Variants in F8 observed in about 807,000 individuals in gnomAD.
F8 encodes the protein antihemophilic factor.
A neutral mutation model predicts 140.6 loss-of-function variants in F8; 12 were observed. That is an observed-to-expected ratio of 0.09 (90% CI 0.05 to 0.14). The LOEUF is 0.14. Ranked by LOEUF, F8 falls within the 10% of genes least tolerant of loss-of-function variation. The pLI is 1.00. For synonymous variants in F8, 585 were observed against 614.6 expected (o/e 0.95, Z 0.71); for missense variants, 1,354 against 1,720.7 (o/e 0.79, Z 3.77).
intron 17 of F8, 65 bp from the exon 18 acceptor site, chrX:154,904,153 C>CA: frequency 1.7e-6 from 2 of 1,150,339 alleles, no homozygotes; most frequent in African/African-American, 1.8e-5. Context: ...TCCACTCCAC[C>CA]AAAAAAACTG....
At chrX:154,876,220 C>T (rs1368035208) in intron 22 of F8, among the ~76,000 whole-genome samples, 3 of 106,919 alleles carry the variant, frequency 2.8e-5, no homozygotes, top group African/African-American at 6.9e-5. Flanking sequence ...CCCGGGTTCA[C>T]GCCATTCTCT....
chrX:154,954,818 G>A (rs994258767), intron 11 of F8, among the ~76,000 whole-genome samples: 3 of 111,646 alleles, frequency 2.7e-5, no homozygotes, highest in South Asian at 3.7e-4. Context: ...AGGAAAAATC[G>A]GTCAGGACAA....
intron 6 of F8, among the ~76,000 whole-genome samples, chrX:154,971,030 T>G (rs782533254): frequency 2.3e-4 from 26 of 111,402 alleles, no homozygotes; most frequent in Non-Finnish European, 3.6e-4. Context: ...AACATCCCCC[T>G]CATACTTCAT....
chrX:154,939,980 A>G (rs1237522382), intron 13 of F8, among the ~76,000 whole-genome samples: 1 of 112,451 alleles, frequency 8.9e-6, no homozygotes, highest in African/African-American at 3.2e-5. Flanking sequence ...AAAACTAACA[A>G]ACAGAAAGGA....
At chrX:154,966,337 C>A in intron 8 of F8, 89 bp downstream of exon 8, 1 of 1,120,526 alleles carries the variant, frequency 8.9e-7, no homozygotes, top group East Asian at 3.0e-5. Flanking sequence ...TAACCTTAAA[C>A]ATGGCTTCAG....
chrX:154,853,463 T>G (rs1356237841), intron 25 of F8, among the ~76,000 whole-genome samples: 1 of 112,058 alleles, frequency 8.9e-6, no homozygotes. Context: ...TCTGTTCACT[T>G]GTACTCAAGT....
intron 22 of F8, among the ~76,000 whole-genome samples, chrX:154,864,545 G>A (rs2072717868): frequency 1.8e-5 from 2 of 112,339 alleles, no homozygotes; most frequent in Non-Finnish European, 3.8e-5. Context: ...AGCTCAATTA[G>A]CTACAAGAGG....
chrX:154,869,292 G>A (rs1279791492), intron 22 of F8, among the ~76,000 whole-genome samples: 4 of 111,610 alleles, frequency 3.6e-5, no homozygotes, highest in African/African-American at 6.5e-5. Flanking sequence ...TACATAATTC[G>A]AAGTAAAACA....
At chrX:154,915,185 G>A (rs1030491643) in intron 14 of F8, among the ~76,000 whole-genome samples, 4 of 111,490 alleles carry the variant, frequency 3.6e-5, no homozygotes, top group African/African-American at 1.3e-4. Context: ...CACGAGAACA[G>A]CATGGGGGAA....
At chrX:154,855,747 C>T (rs1173168202) in intron 25 of F8, among the ~76,000 whole-genome samples, 3 of 106,676 alleles carry the variant, frequency 2.8e-5, no homozygotes, top group Non-Finnish European at 5.8e-5. Flanking sequence ...CTGATTCCTT[C>T]AGGACCCACC....
At chrX:154,840,761 AG>A (rs782701488) in intron 25 of F8, among the ~76,000 whole-genome samples, 4 of 112,329 alleles carry the variant, frequency 3.6e-5, no homozygotes, top group Non-Finnish European at 5.6e-5. Context: ...AGAGGCTTAA[AG>A]TCTGGAGCCT....
intron 22 of F8, among the ~76,000 whole-genome samples, chrX:154,876,206 G>A (rs982070433): frequency 2.0e-5 from 2 of 100,530 alleles, no homozygotes; most frequent in Non-Finnish European, 3.9e-5. Flanking sequence ...TGCAAGCTCC[G>A]CCTCCCGGGT....
chrX:154,943,431 G>C (rs1391977721), intron 13 of F8, among the ~76,000 whole-genome samples: 1 of 111,555 alleles, frequency 9.0e-6, no homozygotes, highest in Non-Finnish European at 1.9e-5. Flanking sequence ...GCTTCAAAGA[G>C]AATAAAATAC....
Position 154,953,879 on chromosome X carries a change from C to A in F8, c.1903+13G>T, listed in dbSNP as rs781832416. 9 of 1,209,728 alleles carry A rather than the reference C, an allele frequency of 7.4e-6. No homozygotes were observed. In the African/African-American group the frequency reaches 1.0e-4, roughly 14 times the overall value. ...ATTCACCACCCACTGGACTTAAGTG[C>A]TGCTTTACTCACTGTGCATGATGTT... On this transcript the variant is annotated intron_variant, in intron 12 of 25. Transcript: ENST00000360256.
At chrX:154,903,193 A>G (rs1341638539) in intron 18 of F8, among the ~76,000 whole-genome samples, 1 of 108,765 alleles carries the variant, frequency 9.2e-6, no homozygotes, top group African/African-American at 3.3e-5. Context: ...TTTTTTTTTT[A>G]GAGACAGGGT....
intron 13 of F8, among the ~76,000 whole-genome samples, chrX:154,935,964 C>G (rs1482951558): frequency 5.7e-5 from 5 of 88,013 alleles, no homozygotes; most frequent in Non-Finnish European, 8.3e-5. Flanking sequence ...TTGAATAAGC[C>G]TAGAGAATGC....
intron 7 of F8, 63 bp downstream of exon 7, chrX:154,969,268 T>C (rs1603435390): frequency 9.8e-7 from 1 of 1,021,001 alleles, no homozygotes; most frequent in Non-Finnish European, 1.4e-6. Context: ...CATTGTCCAG[T>C]AAATTTTATT....
rs200516239 is a variant in F8, at chrX:154,930,265, T to C, written c.3525A>G (p.Glu1175=). The change falls in exon 14 of 26, where the codon GAA becomes GAG. Residue 1175 remains glutamate, a synonymous_variant. Coordinates refer to ENST00000360256, the MANE Select transcript of F8 (RefSeq NM_000132.4). ...EKNKVVVGKG[E]FTKDVGLKEM... ...CTTTGAGTCCTACGTCCTTTGTAAA[T>C]TCACCCTTTCCTACTACCACTTTGT... is the stretch of plus-strand genomic sequence containing the variant. The C allele has an allele frequency of 8.3e-7, 1 of 1,209,840 alleles. No individual in the cohort carries two copies. The highest frequency in any genetic ancestry group is 3.0e-5 in the East Asian group (1 of 33,781).
Position 155,022,686 on chromosome X carries a change from T to A in F8, c.-134A>T, listed in dbSNP as rs782400913. On this transcript the variant is annotated 5_prime_UTR_variant, in exon 1 of 26. Transcript: ENST00000360256. ...GTCCCAATTTCTTTGCAGAGCATTT[T>A]AAGGAACTTTACCCACTGGATGTGC... 17 of 1,147,527 alleles carry A rather than the reference T, an allele frequency of 1.5e-5. No individual in the cohort carries two copies. Among genetic ancestry groups the A allele is most frequent in the Non-Finnish European group, 2.0e-5 (17 of 868,406 alleles). The allele number at this position is 1,147,527 out of a possible 1,213,427, so 94.6% of individuals were successfully genotyped here.
Sources: gnomAD v4.1 joint callset for allele counts (sites outside exome capture counted in the v4.1 genomes callset) on GRCh38, gnomAD v4.1.1 for gene constraint, MANE v1.5 for transcripts, NCBI Gene and HGNC (gene_info 2026-07-23, HGNC 2026-07-21) for gene names.